The following XRCC4 variants were observed in gnomAD, a reference collection of about 807,000 sequenced individuals.
XRCC4 encodes the protein X-ray repair cross complementing 4.
In XRCC4, 28 loss-of-function variants were observed where a neutral mutation model predicts 39.1. The ratio of observed to expected loss-of-function variants is 0.72; its 90% confidence interval spans 0.53 to 0.98. The LOEUF is 0.98. Ranked by LOEUF, XRCC4 falls within the 50% of genes least tolerant of loss-of-function variation. The pLI, the probability that XRCC4 is intolerant of heterozygous loss-of-function variation, is 0.00. For synonymous variants in XRCC4, 123 were observed against 126.4 expected, an observed-to-expected ratio of 0.97 and a Z score of 0.18; for missense variants, 350 against 376.4, an observed-to-expected ratio of 0.93 and a Z score of 0.58.
intron 1 of XRCC4, among the ~76,000 whole-genome samples, chr5:83,080,393 G>A (rs1744880765): frequency 1.3e-5 from 2 of 152,118 alleles, no homozygotes; most frequent in African/African-American, 4.8e-5. Flanking sequence ...AGGCGTGGTG[G>A]CATGTGCCTG....
At chr5:83,184,071 TAATA>T (rs1274350701) in intron 3 of XRCC4, among the ~76,000 whole-genome samples, 1 of 152,142 alleles carries the variant, frequency 6.6e-6, no homozygotes, top group African/African-American at 2.4e-5. Context: ...AAAAAATTTT[TAATA>T]AATATTTTTG....
chr5:83,104,960 C>G lies in XRCC4; in HGVS notation c.41C>G (p.Pro14Arg). 2 of 1,613,378 alleles carry G rather than the reference C, an allele frequency of 1.2e-6. No individual in the cohort carries two copies. Among genetic ancestry groups the G allele is most frequent in the Non-Finnish European group, 8.5e-7 (1 of 1,179,680 alleles). ...AGCAGAATCCACCTTGTTTCTGAACCCAGTATAACTCATTTTCTACAAGTA... is the reference window on the plus strand; with the variant it reads ...AGCAGAATCCACCTTGTTTCTGAACGCAGTATAACTCATTTTCTACAAGTA... ...KISRIHLVSE[P>R]SITHFLQVSW... is the part of the protein sequence containing the mutation. The change falls in exon 2 of 8, where the codon CCC becomes CGC. Residue 14 changes from proline to arginine, a missense_variant. Coordinates refer to ENST00000396027, the MANE Select transcript of XRCC4 (RefSeq NM_003401.5).
At chr5:83,295,438 C>T (rs564349926) in intron 7 of XRCC4, among the ~76,000 whole-genome samples, 1 of 151,942 alleles carries the variant, frequency 6.6e-6, no homozygotes, top group East Asian at 1.9e-4. Flanking sequence ...TATAAATAAG[C>T]TGACAGATAC....
chr5:83,124,891 G>C (rs1442605772), intron 3 of XRCC4, among the ~76,000 whole-genome samples: 2 of 152,208 alleles, frequency 1.3e-5, no homozygotes, highest in Non-Finnish European at 2.9e-5. Flanking sequence ...TGTATGGTAA[G>C]TATGTGTTTA....
intron 7 of XRCC4, 43 bp downstream of exon 7, chr5:83,258,720 T>G: frequency 6.3e-7 from 1 of 1,588,510 alleles, no homozygotes; most frequent in Non-Finnish European, 8.5e-7. Context: ...ATGACATTTT[T>G]GAAAATCTAG....
chr5:83,243,157 G>A (rs2112852321), intron 6 of XRCC4, among the ~76,000 whole-genome samples: 1 of 152,240 alleles, frequency 6.6e-6, no homozygotes, highest in African/African-American at 2.4e-5. Flanking sequence ...TTACTTCAAG[G>A]GATGAGGATA....
intron 6 of XRCC4, among the ~76,000 whole-genome samples, chr5:83,231,830 T>C (rs1752506165): frequency 6.6e-6 from 1 of 152,130 alleles, no homozygotes; most frequent in Admixed American, 6.6e-5. Context: ...CTTTGGCTGG[T>C]GTGCCCCTTA....
At chr5:83,132,560 C>T (rs1747653089) in intron 3 of XRCC4, among the ~76,000 whole-genome samples, 1 of 152,064 alleles carries the variant, frequency 6.6e-6, no homozygotes, top group East Asian at 1.9e-4. Context: ...TCCCATATTT[C>T]TCGGAGGCTT....
chr5:83,283,068 GT>G (rs903187285), intron 7 of XRCC4, among the ~76,000 whole-genome samples: 1 of 149,260 alleles, frequency 6.7e-6, no homozygotes, highest in African/African-American at 2.4e-5. Context: ...AAAAAAAAAG[GT>G]TTTTGCAAAA....
intron 3 of XRCC4, among the ~76,000 whole-genome samples, chr5:83,121,680 T>C (rs1234577274): frequency 6.6e-6 from 1 of 152,202 alleles, no homozygotes; most frequent in Non-Finnish European, 1.5e-5. Flanking sequence ...TCTCCAAGTT[T>C]GTGGGAGAAG....
intron 7 of XRCC4, among the ~76,000 whole-genome samples, chr5:83,296,294 GTT>G (rs1413203183): frequency 6.6e-6 from 1 of 151,950 alleles, no homozygotes; most frequent in Non-Finnish European, 1.5e-5. Flanking sequence ...CCTTTGGCCT[GTT>G]TTATTCATCC....
chr5:83,108,724 A>G (rs1295560021), intron 2 of XRCC4, among the ~76,000 whole-genome samples: 1 of 151,750 alleles, frequency 6.6e-6, no homozygotes, highest in Non-Finnish European at 1.5e-5. Context: ...CTACAAATTT[A>G]TTTCCTATTT....
At chr5:83,277,146 G>A (rs1754363669) in intron 7 of XRCC4, among the ~76,000 whole-genome samples, 1 of 152,182 alleles carries the variant, frequency 6.6e-6, no homozygotes, top group Non-Finnish European at 1.5e-5. Context: ...GTTTAGTCAG[G>A]CAGAGAAAAC....
rs1223749514 is a variant in XRCC4, at chr5:83,085,865, A to T, written c.-11+8250A>T. ...GTCTCAGTAGAAAATCATATTATAGATCACCACTGTTAATTCCCATCTGAA... is the reference window on the plus strand; with the variant it reads ...GTCTCAGTAGAAAATCATATTATAGTTCACCACTGTTAATTCCCATCTGAA... On this transcript the variant is annotated intron_variant, in intron 1 of 7. Coordinates refer to ENST00000396027, the MANE Select transcript of XRCC4 (RefSeq NM_003401.5). 4.6e-5 allele frequency among the ~76,000 whole-genome samples: 7 copies of T among 152,336 alleles called. No homozygotes were observed. In the East Asian group the frequency reaches 1.3e-3, roughly 29 times the overall value.
chr5:83,251,545 AAATT>A (rs1055311357), intron 6 of XRCC4, among the ~76,000 whole-genome samples: 1 of 151,918 alleles, frequency 6.6e-6, no homozygotes, highest in African/African-American at 2.4e-5. Context: ...AAAAAAAAAA[AAATT>A]AAACATTGAA....
At chr5:83,179,615 C>T (rs1177085784) in intron 3 of XRCC4, among the ~76,000 whole-genome samples, 10 of 152,118 alleles carry the variant, frequency 6.6e-5, no homozygotes, top group Non-Finnish European at 1.5e-5. Flanking sequence ...TCTTCTATGC[C>T]CCAGCTCTGT....
chr5:83,356,661 G>A (rs960043273), downstream of XRCC4: 41 of 446,050 alleles, frequency 9.2e-5, 1 homozygote, highest in South Asian at 6.3e-4. Flanking sequence ...CTACAGATCT[G>A]GTGTAAACAT....
At chr5:83,303,394 G>T (rs1036957527) in intron 7 of XRCC4, among the ~76,000 whole-genome samples, 1 of 152,052 alleles carries the variant, frequency 6.6e-6, no homozygotes, top group South Asian at 2.1e-4. Flanking sequence ...CAAAACATTT[G>T]TACATTTGTA....
chr5:83,095,489 C>T (rs1222760123), intron 1 of XRCC4, among the ~76,000 whole-genome samples: 1 of 152,112 alleles, frequency 6.6e-6, no homozygotes, highest in Non-Finnish European at 1.5e-5. Context: ...AAACTCCCTC[C>T]TATGTCAGAA....
Sources: gnomAD v4.1 joint callset for allele counts (sites outside exome capture counted in the v4.1 genomes callset) on GRCh38, gnomAD v4.1.1 for gene constraint, MANE v1.5 for transcripts, NCBI Gene and HGNC (gene_info 2026-07-23, HGNC 2026-07-21) for gene names.